The following NRXN1 variants were observed in gnomAD, a reference collection of about 807,000 sequenced individuals.
NRXN1 encodes neurexin 1.
NRXN1 carries 39 observed loss-of-function variants against 150.9 expected under a neutral mutation model. The observed-to-expected ratio is 0.26, with a 90% CI of 0.20 to 0.34. NRXN1 has a LOEUF of 0.34. NRXN1 is among the 10% of genes least tolerant of loss of function. NRXN1 has a pLI of 1.00. For synonymous variants in NRXN1, 924 were observed against 757.0 expected (o/e 1.22, Z -3.62); for missense variants, 1,815 against 1,949.9 (o/e 0.93, Z 1.30).
At chr2:50,508,026 A>C (rs2092312662) in intron 12 of NRXN1, among the ~76,000 whole-genome samples, 1 of 152,128 alleles carries the variant, frequency 6.6e-6, no homozygotes, top group South Asian at 2.1e-4. Context: ...GAGATCGAGT[A>C]AGAGACAGAG....
At chr2:50,856,058 G>A (rs1428893371) in intron 5 of NRXN1, among the ~76,000 whole-genome samples, 3 of 148,434 alleles carry the variant, frequency 2.0e-5, no homozygotes, top group African/African-American at 7.4e-5. Context: ...GGAAAGCCTT[G>A]GTTTCTAAAA....
chr2:50,133,931 A>C (rs898913615), intron 18 of NRXN1, among the ~76,000 whole-genome samples: 1 of 152,184 alleles, frequency 6.6e-6, no homozygotes, highest in African/African-American at 2.4e-5. Context: ...ACACCTAATA[A>C]AAGTTAATTA....
At position 50,758,603 on chromosome 2, in the gene NRXN1, C is replaced by T. The variant is rs78868820; in HGVS notation, c.833-134988G>A. On this transcript the variant is annotated intron_variant, in intron 5 of 22. Coordinates refer to ENST00000401669, the MANE Select transcript of NRXN1 (RefSeq NM_001330078.2). ...GACTAAAAGTGCCCACCACCATTCC[C>T]AGCTTATAAACTACTTTTAAATAGC... is the stretch of plus-strand genomic sequence containing the variant. 3.2e-4 allele frequency among the ~76,000 whole-genome samples: 49 copies of T among 151,960 alleles called. 2 individuals are homozygous for T. In the East Asian group the frequency reaches 9.6e-3, roughly 30 times the overall value.
rs2063726539 is a variant in NRXN1 at position 50,219,964 on chromosome 2, TATATATATATA to T, written c.3546+16814_3546+16824del. 4.8e-5 allele frequency among the ~76,000 whole-genome samples: 4 copies of T among 83,786 alleles called. No individual in the cohort carries two copies. In the Admixed American group the frequency reaches 5.7e-4, roughly 12 times the overall value. 55.0% of individuals were successfully genotyped at this position (83,786 alleles called of 152,430 possible). ...TATATTATATATATAATATATATAT[TATATATATATA>T]ATATATATATTATATATAATATATA... On this transcript the variant is annotated intron_variant, in intron 18 of 22. Transcript: ENST00000401669.
chr2:50,884,844 AC>A (rs1041581692), intron 5 of NRXN1, among the ~76,000 whole-genome samples: 1 of 151,404 alleles, frequency 6.6e-6, no homozygotes, highest in Non-Finnish European at 1.5e-5. Context: ...TAAAATACAA[AC>A]TTTTTTTTCT....
rs982275633 is a variant in NRXN1, at chr2:51,028,356, T to A, written c.-83A>T. 4 of 921,224 alleles carry A rather than the reference T, an allele frequency of 4.3e-6. No homozygotes were observed. In the African/African-American group the frequency reaches 5.1e-5, roughly 12 times the overall value. The allele number at this position is 921,224 out of a possible 1,614,324, so 57.1% of individuals were successfully genotyped here. ...GGACACCGTGACGAAGAAATAAGGG[T>A]CCCGAGAGACAGAAAGGTAAGGGGA... On this transcript the variant is annotated 5_prime_UTR_variant, in exon 2 of 23. Coordinates refer to ENST00000401669, the MANE Select transcript of NRXN1 (RefSeq NM_001330078.2).
chr2:50,995,433 T>C (rs1699120656), intron 2 of NRXN1, among the ~76,000 whole-genome samples: 1 of 151,172 alleles, frequency 6.6e-6, no homozygotes, highest in African/African-American at 2.4e-5. Flanking sequence ...AATACAAATA[T>C]ATCTACACAA....
intron 22 of NRXN1, among the ~76,000 whole-genome samples, chr2:49,926,004 CTCGGT>C (rs1473293562): frequency 6.6e-6 from 1 of 152,170 alleles, no homozygotes; most frequent in East Asian, 1.9e-4. Flanking sequence ...GCATAAGGAA[CTCGGT>C]TCAATGGAAA....
rs201472675 is a variant in NRXN1 at position 51,028,445 on chromosome 2, A to G, written c.-172T>C. The G allele has an allele frequency of 8.3e-5, 37 of 444,878 alleles. No individual in the cohort carries two copies. The Middle Eastern group carries it at 1.7e-3, about 21-fold the overall frequency. The allele number at this position is 444,878 out of a possible 1,614,324, so 27.6% of individuals were successfully genotyped here. On this transcript the variant is annotated 5_prime_UTR_variant, in exon 2 of 23. Coordinates refer to ENST00000401669, the MANE Select transcript of NRXN1 (RefSeq NM_001330078.2). Reference sequence around the variant, plus strand: ...TTCTTTTTTTCTTCTTCTTCTTCCAATAACCCCGCCCTCTCTCCCTGTAGT... The same window carrying G: ...TTCTTTTTTTCTTCTTCTTCTTCCAGTAACCCCGCCCTCTCTCCCTGTAGT...
At chr2:50,631,775 A>C (rs1405827421) in intron 5 of NRXN1, among the ~76,000 whole-genome samples, 1 of 151,928 alleles carries the variant, frequency 6.6e-6, no homozygotes, top group East Asian at 1.9e-4. Flanking sequence ...ATATAAAATG[A>C]GACACACAGG....
At chr2:50,278,254 ATT>A (rs1491380560) in intron 17 of NRXN1, among the ~76,000 whole-genome samples, 6 of 114,800 alleles carry the variant, frequency 5.2e-5, no homozygotes, top group East Asian at 2.2e-4. Context: ...ATATATATAT[ATT>A]ATATATATTA....
intron 5 of NRXN1, among the ~76,000 whole-genome samples, chr2:50,697,811 C>A (rs888323689): frequency 6.6e-6 from 1 of 152,250 alleles, no homozygotes; most frequent in East Asian, 1.9e-4. Context: ...CTTTTCTCTG[C>A]CTCCAGGTTG....
At chr2:50,993,092 G>C (rs1303108474) in intron 2 of NRXN1, among the ~76,000 whole-genome samples, 1 of 151,842 alleles carries the variant, frequency 6.6e-6, no homozygotes, top group Non-Finnish European at 1.5e-5. Context: ...TATCAACAGG[G>C]AATTATTTGA....
chr2:50,237,059 T>C (rs1424597827), intron 17 of NRXN1, 89 bp from the exon 18 acceptor site: 5 of 1,242,730 alleles, frequency 4.0e-6, no homozygotes, highest in Admixed American at 3.4e-5. Flanking sequence ...CAGTAAAGTA[T>C]CAACTCTACA....
intron 5 of NRXN1, among the ~76,000 whole-genome samples, chr2:50,698,590 A>G (rs1693265039): frequency 6.6e-6 from 1 of 152,236 alleles, no homozygotes; most frequent in African/African-American, 2.4e-5. Flanking sequence ...AATAGAGTAA[A>G]CACTAATACA....
At chr2:50,435,045 C>G (rs1002692854) in intron 17 of NRXN1, among the ~76,000 whole-genome samples, 24 of 151,884 alleles carry the variant, frequency 1.6e-4, no homozygotes, top group African/African-American at 5.3e-4. Flanking sequence ...ACATATTGAA[C>G]TATGTATATT....
At chr2:50,688,497 G>C (rs1177802518) in intron 5 of NRXN1, among the ~76,000 whole-genome samples, 1 of 152,078 alleles carries the variant, frequency 6.6e-6, no homozygotes, top group Admixed American at 6.6e-5. Flanking sequence ...CTCTAAAACA[G>C]AGTGGTGCAG....
chr2:50,085,396 T>C (rs1248973704), intron 19 of NRXN1, among the ~76,000 whole-genome samples: 2 of 152,138 alleles, frequency 1.3e-5, no homozygotes, highest in South Asian at 2.1e-4. Context: ...ACAAGACTTA[T>C]ATTTTCACTA....
chr2:50,927,812 C>A (rs1687132289), intron 2 of NRXN1, among the ~76,000 whole-genome samples: 1 of 151,736 alleles, frequency 6.6e-6, no homozygotes, highest in Admixed American at 6.6e-5. Context: ...TAAAGACGGG[C>A]AAATATGGTT....
Sources: allele counts gnomAD v4.1 joint callset (sites outside exome capture counted in the v4.1 genomes callset), GRCh38; gene constraint gnomAD v4.1.1; transcripts MANE v1.5; gene names NCBI Gene and HGNC (gene_info 2026-07-23, HGNC 2026-07-21).